The following HS3ST3B1 variants were observed in gnomAD, a reference collection of about 807,000 sequenced individuals.
The protein encoded by HS3ST3B1 is heparan sulfate-glucosamine 3-sulfotransferase 3B1, also known as heparan sulfate glucosamine 3-O-sulfotransferase 3B1.
Under a neutral mutation model 21.3 loss-of-function variants are expected in HS3ST3B1, and 13 were observed. The observed-to-expected ratio is 0.61, with a 90% confidence interval of 0.40 to 0.97. The LOEUF (loss-of-function observed/expected upper bound fraction) is 0.97. HS3ST3B1 is among the 50% of genes least tolerant of loss of function. The pLI is 0.00. For synonymous variants in HS3ST3B1, 234 were observed against 254.8 expected, an observed-to-expected ratio of 0.92 and a Z score of 0.78; for missense variants, 459 against 554.8, an observed-to-expected ratio of 0.83 and a Z score of 1.73.
At chr17:14,312,882 C>A (rs1417788819) in intron 1 of HS3ST3B1, among the ~76,000 whole-genome samples, 1 of 150,176 alleles carries the variant, frequency 6.7e-6, no homozygotes, top group African/African-American at 2.5e-5. Flanking sequence ...CCATCCCCAG[C>A]AGTTGTGAGT....
intron 1 of HS3ST3B1, among the ~76,000 whole-genome samples, chr17:14,331,776 C>T (rs1597598755): frequency 6.6e-6 from 1 of 152,128 alleles, no homozygotes; most frequent in Admixed American, 6.5e-5. Context: ...CAAAGGAGTT[C>T]TTTGATATGC....
intron 1 of HS3ST3B1, among the ~76,000 whole-genome samples, chr17:14,314,254 C>T (rs1187182874): frequency 6.6e-6 from 1 of 152,226 alleles, no homozygotes; most frequent in Non-Finnish European, 1.5e-5. Context: ...GCTGGGATTA[C>T]AGGCATGAGC....
At chr17:14,317,311 C>CCATT (rs562128930) in intron 1 of HS3ST3B1, among the ~76,000 whole-genome samples, 12 of 152,196 alleles carry the variant, frequency 7.9e-5, no homozygotes, top group Non-Finnish European at 1.3e-4. Flanking sequence ...ATCTTGTCTA[C>CCATT]CATTCATTCA....
chr17:14,324,341 C>T (rs1379867979), intron 1 of HS3ST3B1, among the ~76,000 whole-genome samples: 1 of 152,174 alleles, frequency 6.6e-6, no homozygotes, highest in Non-Finnish European at 1.5e-5. Flanking sequence ...GAGGGTGCTC[C>T]TTGTCCCCAC....
chr17:14,334,012 C>T (rs969401938), intron 1 of HS3ST3B1, among the ~76,000 whole-genome samples: 1 of 152,238 alleles, frequency 6.6e-6, no homozygotes, highest in African/African-American at 2.4e-5. Flanking sequence ...CCACCCGCCT[C>T]AGCCTCCCAA....
intron 1 of HS3ST3B1, among the ~76,000 whole-genome samples, chr17:14,308,229 G>A (rs1224535125): frequency 1.3e-5 from 2 of 152,262 alleles, no homozygotes; most frequent in South Asian, 2.1e-4. Flanking sequence ...AGTTTAAGAC[G>A]TGAGAAGCAA....
chr17:14,320,585 A>C (rs1299642508), intron 1 of HS3ST3B1, among the ~76,000 whole-genome samples: 1 of 152,076 alleles, frequency 6.6e-6, no homozygotes, highest in Non-Finnish European at 1.5e-5. Flanking sequence ...AAAAGTGGGA[A>C]TTGTCAGATG....
chr17:14,334,614 A>G (rs919458420), intron 1 of HS3ST3B1, among the ~76,000 whole-genome samples: 9 of 152,172 alleles, frequency 5.9e-5, no homozygotes, highest in Non-Finnish European at 1.2e-4. Flanking sequence ...ATGAGCGTAC[A>G]TTGACATCTC....
At position 14,303,879 on chromosome 17, in the gene HS3ST3B1, G is replaced by C. The variant is rs1173855018; in HGVS notation, c.554+1807G>C. On this transcript the variant is annotated intron_variant, in intron 1 of 1. Transcript: ENST00000360954. This position sits in a 1 kb window ranked among gnomAD's most constrained non-coding sequence, Gnocchi z 5.7. ...CTGAGATCAGACACACTTGGGCCGGGTTGGGAGGAACTGGCAGGAAAAGGA... is the reference window on the plus strand; with the variant it reads ...CTGAGATCAGACACACTTGGGCCGGCTTGGGAGGAACTGGCAGGAAAAGGA... 1 of 152,318 alleles carries C rather than the reference G, an allele frequency of 6.6e-6. No individual in the cohort carries two copies. The highest frequency in any genetic ancestry group is 6.5e-5 in the Admixed American group (1 of 15,276). The allele number at this position is 152,318 out of a possible 1,614,324, so 9.4% of individuals were successfully genotyped here.
chr17:14,337,494 A>ATTT (rs5819471), intron 1 of HS3ST3B1, among the ~76,000 whole-genome samples: 28,755 of 140,644 alleles, frequency 0.2, 3,233 homozygotes, highest in Non-Finnish European at 0.24. Context: ...TGCCTGGCTA[A>ATTT]TTTTTTTTTT....
chr17:14,343,619 A>G (rs531181312), intron 1 of HS3ST3B1, among the ~76,000 whole-genome samples: 4 of 152,202 alleles, frequency 2.6e-5, no homozygotes, highest in Non-Finnish European at 5.9e-5. Context: ...TATTTCGCTT[A>G]GCATAATGTC....
At chr17:14,315,556 C>T in intron 1 of HS3ST3B1, among the ~76,000 whole-genome samples, 1 of 152,162 alleles carries the variant, frequency 6.6e-6, no homozygotes. Context: ...GGTGTGGTGG[C>T]TCATGCCTGT....
intron 1 of HS3ST3B1, chr17:14,328,050 G>A (rs1909870248): frequency 6.6e-6 from 1 of 152,182 alleles, no homozygotes; most frequent in African/African-American, 2.4e-5. Context: ...GGTGTTTACT[G>A]TGTCGTTCCT....
chr17:14,302,091 G>A lies in HS3ST3B1; in HGVS notation c.554+19G>A, dbSNP rs749215323. The A allele has an allele frequency of 6.3e-7, 1 of 1,580,534 alleles. No homozygotes were observed. The highest frequency in any genetic ancestry group is 2.3e-5 in the East Asian group (1 of 44,024). ...GGTACCGGTGAGTTTCCCTGCCAGG[G>A]GCAGGGTCTCCATCGTCGATTCAGA... On this transcript the variant is annotated intron_variant, in intron 1 of 1. Coordinates refer to ENST00000360954, the MANE Select transcript of HS3ST3B1 (RefSeq NM_006041.3).
intron 1 of HS3ST3B1, among the ~76,000 whole-genome samples, chr17:14,312,901 CTTTTT>C (rs35154149): frequency 7.7e-6 from 1 of 129,454 alleles, no homozygotes; most frequent in African/African-American, 2.9e-5. Context: ...GTGAAAATGT[CTTTTT>C]TTTTTTTTTT....
chr17:14,332,970 T>C (rs1384704592), intron 1 of HS3ST3B1, among the ~76,000 whole-genome samples: 6 of 151,604 alleles, frequency 4.0e-5, no homozygotes, highest in African/African-American at 1.5e-4. Flanking sequence ...CCAGCAAAGC[T>C]GCGCATGCTC....
chr17:14,313,530 A>T (rs1008109689), intron 1 of HS3ST3B1, among the ~76,000 whole-genome samples: 6 of 152,116 alleles, frequency 3.9e-5, no homozygotes, highest in African/African-American at 1.2e-4. Context: ...ACTTCTCGAC[A>T]TGGCTTTATT....
Position 14,309,499 on chromosome 17 carries a change from A to C in HS3ST3B1, c.554+7427A>C, listed in dbSNP as rs1027740791. On this transcript the variant is annotated intron_variant, in intron 1 of 1. Transcript: ENST00000360954. The stretch of plus-strand genomic sequence containing the variant: ...GATTGGGTGGAGGGGCTGCGGAGAG[A>C]CCAATGGTGTTCCGCCTGAGAGGAG... Among the ~76,000 whole-genome samples the C allele has an allele frequency of 6.0e-4, 91 of 150,580 alleles. 1 individual carries two copies. Among genetic ancestry groups the C allele is most frequent in the Non-Finnish European group, 1.3e-4 (9 of 67,458 alleles).
chr17:14,315,414 T>C (rs1909466510), intron 1 of HS3ST3B1, among the ~76,000 whole-genome samples: 1 of 152,216 alleles, frequency 6.6e-6, no homozygotes, highest in African/African-American at 2.4e-5. Flanking sequence ...GTCAAATTAC[T>C]TATAATAGTT....
Sources: gnomAD v4.1 joint callset for allele counts (sites outside exome capture counted in the v4.1 genomes callset) on GRCh38, gnomAD v4.1.1 for gene constraint, Gnocchi (gnomAD v3.1) non-coding constraint, MANE v1.5 for transcripts, NCBI Gene and HGNC (gene_info 2026-07-23, HGNC 2026-07-21) for gene names.